Variants in TRHDE observed in about 807,000 individuals in gnomAD.
The protein encoded by TRHDE is thyrotropin-releasing hormone-degrading ectoenzyme.
Under a neutral mutation model 125.7 loss-of-function variants are expected in TRHDE, and 72 were observed. That is an observed-to-expected ratio of 0.57 (90% CI 0.47 to 0.70). TRHDE has a LOEUF of 0.70. TRHDE is among the 30% of genes least tolerant of loss of function. The probability of loss-of-function intolerance (pLI) is 0.00; values close to 1 mark genes in which losing one functional copy is unlikely to be tolerated. For synonymous variants in TRHDE, 509 were observed against 509.1 expected (o/e 1.00, Z 0.00); for missense variants, 1,110 against 1,327.1 (o/e 0.84, Z 2.54).
intron 2 of TRHDE, chr12:72,147,534 T>A (rs1057281600): frequency 1.3e-5 from 2 of 152,212 alleles, no homozygotes; most frequent in Non-Finnish European, 2.9e-5. Context: ...AAAATCTGCA[T>A]CTTTTTGATA....
chr12:72,527,359 T>C (rs1409693587), intron 6 of TRHDE, among the ~76,000 whole-genome samples: 1 of 152,154 alleles, frequency 6.6e-6, no homozygotes, highest in Non-Finnish European at 1.5e-5. Context: ...TTGGGAAAGA[T>C]TTCTTAGAAA....
chr12:72,282,452 G>A (rs997044096), intron 1 of TRHDE, among the ~76,000 whole-genome samples: 1 of 152,066 alleles, frequency 6.6e-6, no homozygotes, highest in African/African-American at 2.4e-5. Context: ...ACTAATTGAA[G>A]GCAACCATAA....
intron 9 of TRHDE, among the ~76,000 whole-genome samples, chr12:72,567,253 G>T (rs546633079): frequency 6.6e-6 from 1 of 151,950 alleles, no homozygotes; most frequent in African/African-American, 2.4e-5. Context: ...TTACCAGACC[G>T]ATTGTATGGA....
chr12:72,350,960 G>A (rs1870554813), intron 2 of TRHDE, among the ~76,000 whole-genome samples: 1 of 151,948 alleles, frequency 6.6e-6, no homozygotes, highest in South Asian at 2.1e-4. Context: ...GGTAGAACTA[G>A]CCAATTGCAT....
intron 2 of TRHDE, among the ~76,000 whole-genome samples, chr12:72,205,908 A>T (rs541335213): frequency 7.5e-4 from 114 of 152,134 alleles, no homozygotes; most frequent in African/African-American, 2.6e-3. Flanking sequence ...TCCGTTTTTA[A>T]TTTTTTGAGA....
chr12:72,366,292 A>G (rs1228944218), intron 2 of TRHDE, among the ~76,000 whole-genome samples: 2 of 152,108 alleles, frequency 1.3e-5, no homozygotes, highest in Non-Finnish European at 2.9e-5. Context: ...TGAATATAGC[A>G]AAGTCCTGCC....
chr12:72,446,728 AAC>A (rs1417833557), intron 3 of TRHDE, among the ~76,000 whole-genome samples: 1 of 152,138 alleles, frequency 6.6e-6, no homozygotes, highest in Admixed American at 6.6e-5. Context: ...TCTCTGATAA[AAC>A]ACAGTTTAAA....
intron 12 of TRHDE, among the ~76,000 whole-genome samples, chr12:72,585,122 A>C (rs993804796): frequency 6.6e-6 from 1 of 152,240 alleles, no homozygotes; most frequent in Admixed American, 6.5e-5. Flanking sequence ...GAAATTGCTT[A>C]GCTAGTATGG....
At chr12:72,255,303 T>G (rs1878783464) in intron 2 of TRHDE, 1 of 152,256 alleles carries the variant, frequency 6.6e-6, no homozygotes, top group Non-Finnish European at 1.5e-5. Flanking sequence ...TGAACACTTC[T>G]GTCCACTGCG....
chr12:72,553,120 A>AT (rs1453260080), intron 7 of TRHDE, among the ~76,000 whole-genome samples: 3 of 152,178 alleles, frequency 2.0e-5, no homozygotes, highest in African/African-American at 7.2e-5. Flanking sequence ...ATTTGAAAAT[A>AT]GAGAATTCAA....
rs189109729 is a variant in TRHDE, at chr12:72,447,011, C to T, written c.1316-22747C>T. 2.5e-3 allele frequency among the ~76,000 whole-genome samples: 376 copies of T among 152,074 alleles called. 1 individual carries two copies. The highest frequency in any genetic ancestry group is 6.6e-3 in the African/African-American group (272 of 41,470). ...GAATTGAACTCAGCTCTGCACCAAG[C>T]GGACCTAATAGACATCTACAGAACT... On this transcript the variant is annotated intron_variant, in intron 3 of 18. Transcript: ENST00000261180.
chr12:72,434,079 A>C (rs1264227020), intron 3 of TRHDE, among the ~76,000 whole-genome samples: 2 of 152,060 alleles, frequency 1.3e-5, no homozygotes, highest in Non-Finnish European at 2.9e-5. Flanking sequence ...TGACTTAGTA[A>C]ATTTTCTTAA....
At chr12:72,466,085 C>A (rs1044743551) in intron 3 of TRHDE, among the ~76,000 whole-genome samples, 4 of 152,132 alleles carry the variant, frequency 2.6e-5, no homozygotes, top group African/African-American at 7.2e-5. Context: ...CCTTTCGATA[C>A]CAGTATGTAA....
chr12:72,490,333 A>G (rs1877607371), intron 5 of TRHDE, among the ~76,000 whole-genome samples: 1 of 151,826 alleles, frequency 6.6e-6, no homozygotes. Flanking sequence ...AAGATAACCA[A>G]TGTTGGAAAA....
intron 6 of TRHDE, among the ~76,000 whole-genome samples, chr12:72,520,350 A>G (rs1879127585): frequency 1.3e-5 from 2 of 152,128 alleles, no homozygotes; most frequent in South Asian, 2.1e-4. Context: ...GTGGTGCGCC[A>G]TTTTTTAAGC....
At chr12:72,442,090 C>T (rs564594908) in intron 3 of TRHDE, among the ~76,000 whole-genome samples, 3 of 151,690 alleles carry the variant, frequency 2.0e-5, no homozygotes, top group African/African-American at 7.3e-5. Flanking sequence ...TAAATGATGC[C>T]GGGATTATTT....
At chr12:72,575,896 T>C (rs1437913695) in intron 12 of TRHDE, among the ~76,000 whole-genome samples, 2 of 152,156 alleles carry the variant, frequency 1.3e-5, no homozygotes, top group African/African-American at 4.8e-5. Flanking sequence ...TTTTCCCTGA[T>C]GTATACTAGT....
At chr12:72,238,362 T>TACGC (rs1878404026) in intron 2 of TRHDE, among the ~76,000 whole-genome samples, 1 of 78,480 alleles carries the variant, frequency 1.3e-5, no homozygotes, top group Non-Finnish European at 2.7e-5. Context: ...TATATATATA[T>TACGC]ACACATACAT....
At chr12:72,130,711 CA>C (rs1361730761) in intron 2 of TRHDE, among the ~76,000 whole-genome samples, 1 of 151,964 alleles carries the variant, frequency 6.6e-6, no homozygotes, top group Non-Finnish European at 1.5e-5. Flanking sequence ...AAGGAAAGTT[CA>C]AAAAATGCGA....
Sources: gnomAD v4.1 joint callset for allele counts (sites outside exome capture counted in the v4.1 genomes callset) on GRCh38, gnomAD v4.1.1 for gene constraint, MANE v1.5 for transcripts, NCBI Gene and HGNC (gene_info 2026-07-23, HGNC 2026-07-21) for gene names.